CCDC82: variants seen among roughly 807,000 people sequenced by gnomAD.
CCDC82 encodes coiled-coil domain-containing protein 82.
A neutral mutation model predicts 60.6 loss-of-function variants in CCDC82; 47 were observed. The observed-to-expected ratio is 0.77, with a 90% CI of 0.61 to 0.99. The LOEUF is 0.99. Ranked by LOEUF, CCDC82 falls within the 50% of genes least tolerant of loss-of-function variation. CCDC82 has a pLI of 0.00. For missense variants in CCDC82, 588 were observed against 633.0 expected, an observed-to-expected ratio of 0.93 and a Z score of 0.76; for synonymous variants, 212 against 207.4, an observed-to-expected ratio of 1.02 and a Z score of -0.19.
chr11:96,367,727 G>T (rs753242270), intron 7 of CCDC82, among the ~76,000 whole-genome samples: 8 of 151,910 alleles, frequency 5.3e-5, no homozygotes, highest in African/African-American at 9.7e-5. Flanking sequence ...ATCTAGAATG[G>T]TGAATACTTT....
chr11:96,371,008 T>C lies in CCDC82; in HGVS notation c.1209+5A>G, dbSNP rs760426830. ...CAAGCAGAGATTCAAAAACAAACTG[T>C]GTACCTTATATTGCTCTTTCCAACG... On this transcript the variant is annotated splice_donor_5th_base_variant and intron_variant, in intron 7 of 9. Coordinates refer to ENST00000646818, the MANE Select transcript of CCDC82 (RefSeq NM_024725.4). The C allele has an allele frequency of 5.1e-6, 8 of 1,574,368 alleles. No individual in the cohort carries two copies. Among genetic ancestry groups the C allele is most frequent in the South Asian group, 2.4e-5 (2 of 82,090 alleles).
At chr11:96,382,377 C>T (rs999008027) in intron 5 of CCDC82, 2 of 151,740 alleles carry the variant, frequency 1.3e-5, no homozygotes, top group Non-Finnish European at 3.0e-5. Context: ...CTTGTATGTG[C>T]TATTCTGAGC....
intron 9 of CCDC82, chr11:96,357,287 A>G (rs1275521210): frequency 1.0e-6 from 1 of 985,274 alleles, no homozygotes; most frequent in African/African-American, 1.7e-5. Context: ...TTAAGTGGAG[A>G]AATCTCAAAA....
intron 7 of CCDC82, 99 bp downstream of exon 7, chr11:96,370,914 A>T (rs7117427): frequency 9.6e-6 from 10 of 1,039,510 alleles, no homozygotes; most frequent in Admixed American, 3.0e-5. Flanking sequence ...TAACAAAGAC[A>T]TGCCAATATT....
intron 8 of CCDC82, chr11:96,363,967 T>A (rs1224095623): frequency 1.3e-5 from 2 of 152,194 alleles, no homozygotes; most frequent in African/African-American, 2.4e-5. Flanking sequence ...ATTGTTTTTT[T>A]AAATATTTGA....
rs760163929 is a variant in CCDC82, at chr11:96,383,407, C to G, written c.853G>C (p.Glu285Gln). 1 of 1,602,196 alleles carries G rather than the reference C, an allele frequency of 6.2e-7. No homozygotes were observed. The highest frequency in any genetic ancestry group is 1.1e-5 in the South Asian group (1 of 90,246). The change falls in exon 5 of 10, where the codon GAA becomes CAA. Residue 285 changes from glutamate (E) to glutamine (Q), a missense_variant. Coordinates refer to ENST00000646818, the MANE Select transcript of CCDC82 (RefSeq NM_024725.4). Reference protein sequence around the residue: ...VDEEEEEDNYESDEDGDDYII... With the variant: ...VDEEEEEDNYQSDEDGDDYII... Reference sequence around the variant, plus strand: ...TAATCATCTCCATCTTCATCAGATTCATAATTATCCTCTTCTTCCTCCTCA... The same window carrying G: ...TAATCATCTCCATCTTCATCAGATTGATAATTATCCTCTTCTTCCTCCTCA...
At chr11:96,373,724 G>C (rs955273073) in intron 5 of CCDC82, among the ~76,000 whole-genome samples, 5 of 152,044 alleles carry the variant, frequency 3.3e-5, no homozygotes, top group Admixed American at 6.6e-5. Flanking sequence ...AAACTGTTCA[G>C]AGAATATTAA....
At chr11:96,381,473 G>A (rs1865875462) in intron 5 of CCDC82, 1 of 151,296 alleles carries the variant, frequency 6.6e-6, no homozygotes, top group African/African-American at 2.4e-5. Flanking sequence ...TAGTCAATAT[G>A]GCCTTTTCTG....
intron 3 of CCDC82, 33 bp from the exon 4 acceptor site, chr11:96,384,794 G>T: frequency 7.4e-7 from 1 of 1,355,310 alleles, no homozygotes; most frequent in Non-Finnish European, 1.0e-6. Flanking sequence ...ATATAACAGT[G>T]ATAACCAGAT....
intron 5 of CCDC82, among the ~76,000 whole-genome samples, chr11:96,379,503 G>A (rs1865759552): frequency 6.6e-6 from 1 of 151,648 alleles, no homozygotes; most frequent in Admixed American, 6.6e-5. Flanking sequence ...AACTCTAATG[G>A]GTACTAGAAA....
chr11:96,377,398 C>A (rs1309065935), intron 5 of CCDC82, among the ~76,000 whole-genome samples: 3 of 151,708 alleles, frequency 2.0e-5, no homozygotes, highest in African/African-American at 7.3e-5. Flanking sequence ...CAAATAATGT[C>A]TTTTCTTTTT....
chr11:96,361,458 A>G (rs1464803664), intron 8 of CCDC82, among the ~76,000 whole-genome samples: 1 of 152,130 alleles, frequency 6.6e-6, no homozygotes, highest in Non-Finnish European at 1.5e-5. Flanking sequence ...CATCATATAG[A>G]TCTATAAATC....
Position 96,383,458 on chromosome 11 carries a change from A to T in CCDC82, c.802T>A (p.Ser268Thr). Residue 268 changes from serine to threonine, a missense_variant, in exon 5 of 10, where the codon TCT becomes ACT. Ser to Thr is a moderately conservative substitution (Grantham distance 58). Transcript: ENST00000646818. ...TCAACTTCATCACTGCTTGGGCAAG[A>T]TTCCTTTTCAGAGTCCTAATTAAAT... ...GRDFEDSEKE[S>T]CPSSDEVDEE... 3.1e-6 allele frequency: 5 copies of T among 1,601,804 alleles called. No homozygotes were observed. Among genetic ancestry groups the T allele is most frequent in the Non-Finnish European group, 4.3e-6 (5 of 1,174,416 alleles).
chr11:96,371,093 GA>G lies in CCDC82; in HGVS notation c.1128del (p.Leu377PhefsTer13). ...ACAAAGCGGTTATCCAAATAATGAA[GA>G]GATGTTAGCATATCTTTTGCATATG... Reference protein sequence around the residue: ...QKSYAKDMLTSLHYLDNRFVQ... With the variant: ...QKSYAKDMLTXLHYLDNRFVQ... On this transcript the variant is annotated frameshift_variant, in exon 7 of 10. Transcript: ENST00000646818. LOFTEE classifies it high-confidence loss of function. The G allele has an allele frequency of 1.2e-6, 2 of 1,605,960 alleles. No homozygotes were observed. Among genetic ancestry groups the G allele is most frequent in the Non-Finnish European group, 1.7e-6 (2 of 1,176,188 alleles).
intron 8 of CCDC82, among the ~76,000 whole-genome samples, chr11:96,360,198 A>ATT (rs869243950): frequency 8.2e-5 from 10 of 121,754 alleles, no homozygotes; most frequent in Admixed American, 2.5e-4. Context: ...ATATATATAT[A>ATT]TTTTTTTTGT....
chr11:96,381,400 C>T (rs1361959009), intron 5 of CCDC82: 2 of 151,698 alleles, frequency 1.3e-5, no homozygotes, highest in African/African-American at 4.8e-5. Flanking sequence ...TGATTCATAT[C>T]TCCAAATCCA....
chr11:96,379,257 T>C (rs1389606957), intron 5 of CCDC82, among the ~76,000 whole-genome samples: 2 of 151,952 alleles, frequency 1.3e-5, no homozygotes, highest in Non-Finnish European at 2.9e-5. Flanking sequence ...AAACTGTCTA[T>C]ATTAAATTTT....
intron 7 of CCDC82, among the ~76,000 whole-genome samples, chr11:96,365,822 G>C (rs1369818653): frequency 6.6e-6 from 1 of 152,204 alleles, no homozygotes; most frequent in African/African-American, 2.4e-5. Flanking sequence ...GCCTGTGCTA[G>C]ATACTACTAT....
chr11:96,358,158 G>A (rs1483011583), intron 9 of CCDC82: 1 of 987,894 alleles, frequency 1.0e-6, no homozygotes, highest in African/African-American at 1.7e-5. Flanking sequence ...CCAGGCAATG[G>A]ATCTCAAGTT....
Sources: allele counts gnomAD v4.1 joint callset (sites outside exome capture counted in the v4.1 genomes callset), GRCh38; gene constraint gnomAD v4.1.1; transcripts MANE v1.5; gene names NCBI Gene and HGNC (gene_info 2026-07-23, HGNC 2026-07-21).